Variants in GTF2F2 observed in about 807,000 individuals in gnomAD.
GTF2F2 encodes the protein ATP-dependent helicase GTF2F2.
A neutral mutation model predicts 42.2 loss-of-function variants in GTF2F2; 23 were observed. The ratio of observed to expected loss-of-function variants is 0.55; its 90% CI spans 0.39 to 0.77. The LOEUF (loss-of-function observed/expected upper bound fraction) is 0.77. Among genes scored for constraint, GTF2F2 ranks in the 30% least tolerant of loss-of-function variants. The probability of loss-of-function intolerance (pLI) is 0.00; values close to 1 mark genes in which losing one functional copy is unlikely to be tolerated. For missense variants in GTF2F2, 261 were observed against 287.2 expected, an observed-to-expected ratio of 0.91 and a Z score of 0.66; for synonymous variants, 105 against 100.8, an observed-to-expected ratio of 1.04 and a Z score of -0.25.
intron 5 of GTF2F2, among the ~76,000 whole-genome samples, chr13:45,215,846 G>C (rs1873865342): frequency 6.6e-6 from 1 of 151,954 alleles, no homozygotes; most frequent in African/African-American, 2.4e-5. Context: ...TTCCTCTGAA[G>C]AGCCATAGCA....
At chr13:45,166,530 T>C (rs569414705) in intron 4 of GTF2F2, among the ~76,000 whole-genome samples, 5 of 152,308 alleles carry the variant, frequency 3.3e-5, no homozygotes, top group African/African-American at 1.2e-4. Flanking sequence ...TTAGGGAAAG[T>C]ACGAAAGCTG....
At chr13:45,132,908 T>A (rs1415475415) in intron 1 of GTF2F2, among the ~76,000 whole-genome samples, 2 of 152,068 alleles carry the variant, frequency 1.3e-5, no homozygotes, top group African/African-American at 4.8e-5. Context: ...TAGGGAGATG[T>A]AGTTAAGTTG....
At chr13:45,204,484 A>C (rs1042866517) in intron 4 of GTF2F2, among the ~76,000 whole-genome samples, 7 of 152,250 alleles carry the variant, frequency 4.6e-5, no homozygotes, top group African/African-American at 1.7e-4. Flanking sequence ...TTTCTATATT[A>C]ATGAATAGGA....
chr13:45,206,262 C>G (rs1457985631), intron 4 of GTF2F2: 2 of 152,224 alleles, frequency 1.3e-5, no homozygotes, highest in East Asian at 1.9e-4. Flanking sequence ...ATTTTGGAGA[C>G]ATCCAAAGAT....
chr13:45,180,336 G>C (rs1872089259), intron 4 of GTF2F2, among the ~76,000 whole-genome samples: 1 of 152,000 alleles, frequency 6.6e-6, no homozygotes, highest in African/African-American at 2.4e-5. Context: ...AATATACGTA[G>C]TTTCTTTTCA....
Position 45,126,283 on chromosome 13 carries a change from G to A in GTF2F2, c.66+5562G>A, listed in dbSNP as rs1248380759. The stretch of plus-strand genomic sequence containing the variant: ...TTTTTTTTTTTTGAGATGGAGTTTC[G>A]TTCTGTTGCCCAGTCTGGAGTGCAA... On this transcript the variant is annotated intron_variant, in intron 1 of 7. Coordinates refer to ENST00000340473, the MANE Select transcript of GTF2F2 (RefSeq NM_004128.3). 1.8e-4 allele frequency among the ~76,000 whole-genome samples: 23 copies of A among 126,516 alleles called. 1 individual carries two copies. Among genetic ancestry groups the A allele is most frequent in the African/African-American group, 6.5e-4 (20 of 30,980 alleles). 83.0% of individuals were successfully genotyped at this position (126,516 alleles called of 152,430 possible).
chr13:45,157,109 A>G (rs888796487), intron 4 of GTF2F2, among the ~76,000 whole-genome samples: 2 of 152,284 alleles, frequency 1.3e-5, no homozygotes, highest in African/African-American at 4.8e-5. Context: ...AACAGTCTTG[A>G]AGGAGGCAAA....
chr13:45,126,655 A>G (rs987934544), intron 1 of GTF2F2, among the ~76,000 whole-genome samples: 10 of 145,748 alleles, frequency 6.9e-5, no homozygotes, highest in Admixed American at 2.7e-4. Flanking sequence ...GTTACAGTGA[A>G]CAAAACGGAC....
At chr13:45,259,146 G>C (rs895573689) in intron 6 of GTF2F2, among the ~76,000 whole-genome samples, 4 of 152,138 alleles carry the variant, frequency 2.6e-5, no homozygotes, top group African/African-American at 7.2e-5. Flanking sequence ...AGAAAAATAG[G>C]CCGGGTGCGG....
At chr13:45,220,337 C>T (rs1488062545) in intron 5 of GTF2F2, among the ~76,000 whole-genome samples, 1 of 152,100 alleles carries the variant, frequency 6.6e-6, no homozygotes, top group African/African-American at 2.4e-5. Flanking sequence ...GTATACTAAG[C>T]AGTGTAACAT....
intron 2 of GTF2F2, among the ~76,000 whole-genome samples, chr13:45,149,295 T>C (rs1316204145): frequency 6.6e-6 from 1 of 151,186 alleles, no homozygotes; most frequent in Non-Finnish European, 1.5e-5. Flanking sequence ...ATACAGAAGT[T>C]AGCTGGGTGT....
intron 6 of GTF2F2, among the ~76,000 whole-genome samples, chr13:45,262,780 T>C (rs1355863844): frequency 6.6e-6 from 1 of 152,098 alleles, no homozygotes; most frequent in Non-Finnish European, 1.5e-5. Flanking sequence ...CTCACTCTGT[T>C]GCCTAGGCTG....
In GTF2F2 at chr13:45,154,556, A is replaced by T. The variant is rs535072146; in HGVS notation, c.304+2725A>T. ...GTTCTAAGTTGCTATTAGTTATAAT[A>T]CACTATAACAATTTTTTGCTTCTTA... On this transcript the variant is annotated intron_variant, in intron 4 of 7. Coordinates refer to ENST00000340473, the MANE Select transcript of GTF2F2 (RefSeq NM_004128.3). Among the ~76,000 whole-genome samples, 326 of 152,310 alleles carry T rather than the reference A, an allele frequency of 2.1e-3. 1 individual carries two copies. Among genetic ancestry groups the T allele is most frequent in the African/African-American group, 7.7e-3 (321 of 41,578 alleles).
intron 7 of GTF2F2, among the ~76,000 whole-genome samples, chr13:45,278,798 A>G (rs1322155471): frequency 8.0e-6 from 1 of 125,372 alleles, no homozygotes; most frequent in Non-Finnish European, 1.7e-5. Flanking sequence ...TTACCTGCCA[A>G]TTTGCCTTTT....
At position 45,219,166 on chromosome 13, in the gene GTF2F2, T is replaced by TAAA. The variant is rs35228986; in HGVS notation, c.386+11670_386+11672dup. Among the ~76,000 whole-genome samples the TAAA allele has an allele frequency of 5.5e-4, 83 of 150,296 alleles. No homozygotes were observed. In the Middle Eastern group the frequency reaches 0.01, roughly 19 times the overall value. ...AGAAGTTCTTTTTAGTGACTATCCT[T>TAAA]AAAAAAAAAAATCTCATTTCCTTTC... is the stretch of plus-strand genomic sequence containing the variant. On this transcript the variant is annotated intron_variant, in intron 5 of 7. Transcript: ENST00000340473.
intron 7 of GTF2F2, among the ~76,000 whole-genome samples, chr13:45,270,420 G>A (rs2138267776): frequency 6.6e-6 from 1 of 152,256 alleles, no homozygotes; most frequent in South Asian, 2.1e-4. Context: ...AGAAGTCCAG[G>A]ATCAAAGGGC....
At chr13:45,188,944 TG>T (rs1380865861) in intron 4 of GTF2F2, among the ~76,000 whole-genome samples, 2 of 152,102 alleles carry the variant, frequency 1.3e-5, no homozygotes, top group African/African-American at 2.4e-5. Flanking sequence ...AGGGTACATG[TG>T]CACAATGTGC....
chr13:45,268,930 T>G (rs1876678042), intron 7 of GTF2F2, among the ~76,000 whole-genome samples: 1 of 152,162 alleles, frequency 6.6e-6, no homozygotes. Flanking sequence ...TATATGGTAG[T>G]ACTCAGTGAA....
In GTF2F2 at chr13:45,252,983, CT is replaced by C; in HGVS notation, c.486+15del. ...TCATCAATACAATGTAAGTCTTCTG[CT>C]TGTCTCTTTTCATTCTTTTATATCT... On this transcript the variant is annotated intron_variant, in intron 6 of 7. Transcript: ENST00000340473. 1 of 1,063,872 alleles carries C rather than the reference CT, an allele frequency of 9.4e-7. No homozygotes were observed. Among genetic ancestry groups the C allele is most frequent in the Non-Finnish European group, 1.4e-6 (1 of 738,154 alleles). The allele number at this position is 1,063,872 out of a possible 1,614,324, so 65.9% of individuals were successfully genotyped here.
Sources: gnomAD v4.1 joint callset for allele counts (sites outside exome capture counted in the v4.1 genomes callset) on GRCh38, gnomAD v4.1.1 for gene constraint, MANE v1.5 for transcripts, NCBI Gene and HGNC (gene_info 2026-07-23, HGNC 2026-07-21) for gene names.